The following ESRRG variants were observed in gnomAD, a reference collection of about 807,000 sequenced individuals.
ESRRG encodes the protein estrogen related receptor gamma, also known as estrogen-related receptor gamma.
In ESRRG, 13 loss-of-function variants were observed where a neutral mutation model predicts 44.0. The observed-to-expected ratio is 0.30, with a 90% confidence interval of 0.19 to 0.47. The LOEUF is 0.47. ESRRG is among the 20% of genes least tolerant of loss of function. The probability of loss-of-function intolerance (pLI) is 1.00; values close to 1 mark genes in which losing one functional copy is unlikely to be tolerated. For synonymous variants in ESRRG, 215 were observed against 214.6 expected, an observed-to-expected ratio of 1.00 and a Z score of -0.02; for missense variants, 395 against 580.6, an observed-to-expected ratio of 0.68 and a Z score of 3.29.
chr1:216,811,490 C>T (rs1207519138), intron 2 of ESRRG, among the ~76,000 whole-genome samples: 2 of 152,132 alleles, frequency 1.3e-5, no homozygotes, highest in African/African-American at 2.4e-5. Flanking sequence ...AGTACGCGCA[C>T]TTGCAAAAAA....
chr1:216,554,749 T>TA (rs1296017918), intron 5 of ESRRG, among the ~76,000 whole-genome samples: 3 of 152,102 alleles, frequency 2.0e-5, no homozygotes, highest in Non-Finnish European at 4.4e-5. Flanking sequence ...AAGAGAATAA[T>TA]AAAAATGTGT....
Position 216,723,236 on chromosome 1 carries a change from G to A in ESRRG, c.56+8C>T, listed in dbSNP as rs371926671. The stretch of plus-strand genomic sequence containing the variant: ...CGAGTTTAAAAAGGAAAGAAAAAAG[G>A]TACCTACTCTTCCTCGTAGTGCAGG... On this transcript the variant is annotated splice_region_variant and intron_variant, in intron 1 of 6. Transcript: ENST00000408911. 3.7e-6 allele frequency: 6 copies of A among 1,609,732 alleles called. No homozygotes were observed. In the African/African-American group the frequency reaches 5.4e-5, roughly 14 times the overall value.
intron 1 of ESRRG, among the ~76,000 whole-genome samples, chr1:216,947,778 A>G (rs1354171908): frequency 6.6e-6 from 1 of 152,170 alleles, no homozygotes; most frequent in Non-Finnish European, 1.5e-5. Context: ...ACTAACCAGC[A>G]GTTCCTCTTG....
At chr1:216,627,714 G>C (rs575092143) in intron 3 of ESRRG, among the ~76,000 whole-genome samples, 1 of 152,158 alleles carries the variant, frequency 6.6e-6, no homozygotes, top group South Asian at 2.1e-4. Flanking sequence ...GAAATAAAAG[G>C]CAAATGATTA....
chr1:216,515,235 A>G (rs1467152278), intron 6 of ESRRG, among the ~76,000 whole-genome samples: 1 of 151,830 alleles, frequency 6.6e-6, no homozygotes, highest in African/African-American at 2.4e-5. Context: ...ATATAATATA[A>G]TATATATATG....
At chr1:216,980,811 C>T (rs1460995692) in intron 1 of ESRRG, among the ~76,000 whole-genome samples, 1 of 152,190 alleles carries the variant, frequency 6.6e-6, no homozygotes, top group Admixed American at 6.5e-5. Context: ...CTGGCTCCCT[C>T]GCTTGCCTCT....
At chr1:216,779,298 T>TTATAAACATTATATTTATAAA (rs1559604704) in intron 2 of ESRRG, among the ~76,000 whole-genome samples, 4 of 24,262 alleles carry the variant, frequency 1.6e-4, no homozygotes, top group East Asian at 8.1e-4. Context: ...ATATTTATAT[T>TTATAAACATTATATTTATAAA]TATAAACATT....
intron 1 of ESRRG, among the ~76,000 whole-genome samples, chr1:216,952,453 T>C (rs2067135684): frequency 6.6e-6 from 1 of 152,162 alleles, no homozygotes; most frequent in South Asian, 2.1e-4. Flanking sequence ...TCAGGGATCT[T>C]ATTGCATTCC....
At chr1:217,088,240 C>G (rs892234507) in intron 1 of ESRRG, among the ~76,000 whole-genome samples, 3 of 152,152 alleles carry the variant, frequency 2.0e-5, no homozygotes, top group African/African-American at 7.2e-5. Flanking sequence ...AAAACTAGAC[C>G]AAGTCATTCA....
chr1:216,983,799 A>AT (rs1553753919), intron 1 of ESRRG, among the ~76,000 whole-genome samples: 2 of 144,628 alleles, frequency 1.4e-5, no homozygotes, highest in Non-Finnish European at 3.1e-5. Context: ...CCAAGTTATT[A>AT]TAAAAAATGC....
rs537588692 is a variant in ESRRG at position 216,649,368 on chromosome 1, C to T, written c.589+1605G>A. Reference sequence around the variant, plus strand: ...GTACCCCCATCCTCATTTTCATTCACCAATGTGACACTGTCACCAATCTTT... The same window carrying T: ...GTACCCCCATCCTCATTTTCATTCATCAATGTGACACTGTCACCAATCTTT... On this transcript the variant is annotated intron_variant, in intron 3 of 6. Coordinates refer to ENST00000408911, the MANE Select transcript of ESRRG (RefSeq NM_001438.4). Among the ~76,000 whole-genome samples the T allele has an allele frequency of 5.9e-5, 9 of 152,174 alleles. No homozygotes were observed. The South Asian group carries it at 1.9e-3, about 32-fold the overall frequency.
intron 1 of ESRRG, chr1:216,715,055 G>C: frequency 1.0e-6 from 1 of 985,028 alleles, no homozygotes; most frequent in Non-Finnish European, 1.2e-6. Context: ...AACAGAAAAA[G>C]GCGGCCACAT....
intron 2 of ESRRG, chr1:216,862,659 C>T (rs2096072874): frequency 6.6e-6 from 1 of 152,044 alleles, no homozygotes; most frequent in Non-Finnish European, 1.5e-5. Flanking sequence ...CTGTAGGATT[C>T]CACTTACATG....
chr1:217,063,695 A>C (rs1342392510), intron 1 of ESRRG, among the ~76,000 whole-genome samples: 1 of 152,200 alleles, frequency 6.6e-6, no homozygotes, highest in African/African-American at 2.4e-5. Context: ...AAGAGGGACC[A>C]GCTGACCCAG....
In ESRRG at chr1:216,904,595, G is replaced by A. The variant is rs117127197; in HGVS notation, c.-14+34987C>T. On this transcript the variant is annotated intron_variant, in intron 2 of 7. Coordinates refer to the ESRRG transcript ENST00000359162. ...AGTAAACTTGGCTTTACTTATCAGA[G>A]TAAGCTCAGGAAGCCCTAAGAGGAG... is the stretch of plus-strand genomic sequence containing the variant. Among the ~76,000 whole-genome samples the A allele has an allele frequency of 2.8e-3, 424 of 152,242 alleles. 8 individuals carry two copies. In the East Asian group the frequency reaches 0.051, roughly 18 times the overall value.
chr1:216,939,362 A>AAAAAAAAC (rs2064793238), intron 2 of ESRRG, among the ~76,000 whole-genome samples: 1 of 142,568 alleles, frequency 7.0e-6, no homozygotes, highest in African/African-American at 2.9e-5. Flanking sequence ...AAAAAAAAAA[A>AAAAAAAAC]AAAAAAAACA....
intron 1 of ESRRG, among the ~76,000 whole-genome samples, chr1:217,047,885 T>C (rs1334856732): frequency 6.6e-6 from 1 of 152,118 alleles, no homozygotes; most frequent in African/African-American, 2.4e-5. Flanking sequence ...GGAGAGAGAA[T>C]ATGCAATGGA....
At chr1:217,109,835 G>A (rs1176319776) in intron 1 of ESRRG, among the ~76,000 whole-genome samples, 1 of 152,104 alleles carries the variant, frequency 6.6e-6, no homozygotes, top group African/African-American at 2.4e-5. Flanking sequence ...AAGAGGCTAG[G>A]GGCAAAATGG....
chr1:217,110,506 A>C (rs1303001046), intron 1 of ESRRG, among the ~76,000 whole-genome samples: 2 of 152,190 alleles, frequency 1.3e-5, no homozygotes, highest in Non-Finnish European at 2.9e-5. Context: ...CTTGGCTCAC[A>C]GTTCTGAAAG....
Sources: gnomAD v4.1 joint callset for allele counts (sites outside exome capture counted in the v4.1 genomes callset) on GRCh38, gnomAD v4.1.1 for gene constraint, MANE v1.5 for transcripts, NCBI Gene and HGNC (gene_info 2026-07-23, HGNC 2026-07-21) for gene names.